KCNT2: variants seen among roughly 807,000 people sequenced by gnomAD.
KCNT2 encodes the protein potassium sodium-activated channel subfamily T member 2.
Under a neutral mutation model 153.8 loss-of-function variants are expected in KCNT2, and 67 were observed. The ratio of observed to expected loss-of-function variants is 0.44; its 90% CI spans 0.36 to 0.53. The LOEUF (loss-of-function observed/expected upper bound fraction) is 0.53, where lower values mean the gene tolerates loss of function less well. Ranked by LOEUF, KCNT2 falls within the 20% of genes least tolerant of loss-of-function variation. The pLI, the probability that KCNT2 is intolerant of heterozygous loss-of-function variation, is 0.00. For missense variants in KCNT2, 975 were observed against 1,354.8 expected (o/e 0.72, Z 4.40); for synonymous variants, 500 against 458.8 (o/e 1.09, Z -1.15).
At chr1:196,583,780 T>G (rs747315580) in intron 1 of KCNT2, among the ~76,000 whole-genome samples, 1 of 151,892 alleles carries the variant, frequency 6.6e-6, no homozygotes, top group African/African-American at 2.4e-5. Flanking sequence ...GAAACGTAAG[T>G]AGAGCCATAG....
At chr1:196,348,093 T>A (rs1350081268) in intron 14 of KCNT2, among the ~76,000 whole-genome samples, 3 of 152,120 alleles carry the variant, frequency 2.0e-5, no homozygotes, top group Non-Finnish European at 4.4e-5. Context: ...ATGTTCTTCA[T>A]GCTCAATTAC....
intron 1 of KCNT2, among the ~76,000 whole-genome samples, chr1:196,576,036 T>C (rs1367986796): frequency 1.3e-5 from 2 of 150,266 alleles, no homozygotes; most frequent in Non-Finnish European, 3.0e-5. Flanking sequence ...ACTAATCTAA[T>C]GACTATTTAT....
At chr1:196,326,682 G>A in intron 19 of KCNT2, 35 bp downstream of exon 19, 1 of 1,279,734 alleles carries the variant, frequency 7.8e-7, no homozygotes, top group Non-Finnish European at 1.1e-6. Context: ...ATTAAAAACA[G>A]TTTATCTTGT....
chr1:196,234,071 A>G (rs1280051020), intron 27 of KCNT2, among the ~76,000 whole-genome samples: 3 of 151,418 alleles, frequency 2.0e-5, no homozygotes, highest in Non-Finnish European at 4.4e-5. Context: ...TATTCCTAAC[A>G]CAAAGAAATT....
At chr1:196,232,995 A>G (rs181580450) in intron 27 of KCNT2, among the ~76,000 whole-genome samples, 13 of 151,558 alleles carry the variant, frequency 8.6e-5, no homozygotes, top group Admixed American at 6.6e-4. Flanking sequence ...GGTAGATTAG[A>G]TATTTAATAA....
chr1:196,585,723 C>T (rs1662600076), intron 1 of KCNT2, among the ~76,000 whole-genome samples: 3 of 152,060 alleles, frequency 2.0e-5, no homozygotes, highest in African/African-American at 7.2e-5. Context: ...AGGACATTCA[C>T]TCACTCATCC....
chr1:196,543,487 G>A (rs1656655692), intron 1 of KCNT2, among the ~76,000 whole-genome samples: 1 of 152,054 alleles, frequency 6.6e-6, no homozygotes, highest in South Asian at 2.1e-4. Flanking sequence ...GAAAGTAGAT[G>A]TAGAGGAAAA....
At chr1:196,281,280 A>G (rs1015186516) in intron 24 of KCNT2, among the ~76,000 whole-genome samples, 1 of 152,206 alleles carries the variant, frequency 6.6e-6, no homozygotes, top group Non-Finnish European at 1.5e-5. Context: ...AACTTAAGAA[A>G]TCCGAGTACT....
intron 16 of KCNT2, among the ~76,000 whole-genome samples, chr1:196,337,507 T>C (rs576908495): frequency 6.6e-6 from 1 of 152,166 alleles, no homozygotes; most frequent in South Asian, 2.1e-4. Context: ...TGGACTTAAA[T>C]AAGCCCAACA....
intron 25 of KCNT2, chr1:196,273,446 G>A (rs1164920715): frequency 3.3e-6 from 5 of 1,510,678 alleles, no homozygotes; most frequent in Non-Finnish European, 3.6e-6. Context: ...TGAGGAAAGG[G>A]AAACAAACAG....
At chr1:196,415,601 T>G (rs1187648813) in intron 12 of KCNT2, among the ~76,000 whole-genome samples, 1 of 151,980 alleles carries the variant, frequency 6.6e-6, no homozygotes, top group South Asian at 2.1e-4. Context: ...TTAGGAATAG[T>G]CTGCTTTCTA....
At chr1:196,524,235 T>G (rs1041151222) in intron 1 of KCNT2, among the ~76,000 whole-genome samples, 15 of 152,176 alleles carry the variant, frequency 9.9e-5, no homozygotes, top group African/African-American at 3.6e-4. Flanking sequence ...ATCCTTAAAT[T>G]TCACACTTGA....
intron 12 of KCNT2, among the ~76,000 whole-genome samples, chr1:196,416,442 A>G (rs1478109869): frequency 6.6e-6 from 1 of 152,118 alleles, no homozygotes; most frequent in Non-Finnish European, 1.5e-5. Flanking sequence ...AGGGTTTGGT[A>G]CTATCGGCAA....
At position 196,476,714 on chromosome 1, in the gene KCNT2, T is replaced by G. The variant is rs79630507; in HGVS notation, c.384+2465A>C. On this transcript the variant is annotated intron_variant, in intron 5 of 27. Transcript: ENST00000294725. ...GTTTCTATTCCAGCTTACTTACTTC[T>G]TACTTATTATAAACTTTCCTATAAT... Among the ~76,000 whole-genome samples the G allele has an allele frequency of 1.4e-3, 216 of 152,306 alleles. 2 individuals carry two copies. Among genetic ancestry groups the G allele is most frequent in the African/African-American group, 5.0e-3 (209 of 41,574 alleles).
At chr1:196,561,346 A>C (rs1471401451) in intron 1 of KCNT2, among the ~76,000 whole-genome samples, 1 of 151,706 alleles carries the variant, frequency 6.6e-6, no homozygotes, top group African/African-American at 2.4e-5. Flanking sequence ...GTCTTTCCTA[A>C]CTAATAAAGG....
At chr1:196,252,829 T>C (rs921142749) in intron 26 of KCNT2, among the ~76,000 whole-genome samples, 1 of 151,172 alleles carries the variant, frequency 6.6e-6, no homozygotes, top group Non-Finnish European at 1.5e-5. Context: ...CTATATTATA[T>C]ATAATGTTAT....
chr1:196,524,726 A>C (rs983543385), intron 1 of KCNT2, among the ~76,000 whole-genome samples: 1 of 152,158 alleles, frequency 6.6e-6, no homozygotes, highest in Admixed American at 6.5e-5. Context: ...TAATATTGAT[A>C]GTGGTGTTAT....
Position 196,340,392 on chromosome 1 carries a change from A to C in KCNT2, c.1732T>G (p.Phe578Val). Residue 578 changes from phenylalanine to valine, a missense_variant, in exon 16 of 28, where the codon TTT (phenylalanine) becomes GTT (valine). Phe to Val is a conservative substitution (Grantham distance 50, BLOSUM62 -1). This residue lies in a region of KCNT2 where 325 missense variants were observed against 388.1 expected (regional missense o/e 0.84). Transcript: ENST00000294725. ...GGTAATCTGGAAGGTCCATGATAAA[A>C]CGACCTGGACACATTGCTTTTTCTC... is the stretch of plus-strand genomic sequence containing the variant. ...QQRKSNVSRS[F>V]YHGPSRLPVH... The C allele has an allele frequency of 6.2e-7, 1 of 1,612,570 alleles. No homozygotes were observed. The highest frequency in any genetic ancestry group is 1.1e-5 in the South Asian group (1 of 90,966).
In KCNT2 at chr1:196,258,427, C is replaced by T. The variant is rs779563341; in HGVS notation, c.2978G>A (p.Arg993His). 12 of 1,613,866 alleles carry T rather than the reference C, an allele frequency of 7.4e-6. No homozygotes were observed. In the South Asian group the frequency reaches 8.8e-5, roughly 12 times the overall value. ...GGATGTTGAGTTGCGGTGGTTGCTG[C>T]GGTGGTGCCCTTGTTCTTTGGAGTC... Reference protein sequence around the residue: ...TKDSKEQGHHRSNHRNSTSSD... With the variant: ...TKDSKEQGHHHSNHRNSTSSD... Residue 993 changes from arginine (R) to histidine (H), a missense_variant, in exon 26 of 28, where the codon CGC becomes CAC. By Grantham distance (29) the Arg-to-His change is conservative (BLOSUM62 0). Around this residue, in one of 6 missense-constraint regions of KCNT2, gnomAD observed 241 missense variants for 271.1 expected, o/e 0.89. Transcript: ENST00000294725.
Sources: allele counts gnomAD v4.1 joint callset (sites outside exome capture counted in the v4.1 genomes callset), GRCh38; gene constraint gnomAD v4.1.1; regional missense constraint gnomAD v4.1.1; transcripts MANE v1.5; gene names NCBI Gene and HGNC (gene_info 2026-07-23, HGNC 2026-07-21).